GIGYF2: variants seen among roughly 807,000 people sequenced by gnomAD.
GIGYF2 encodes GRB10-interacting GYF protein 2.
In GIGYF2, 25 loss-of-function variants were observed where a neutral mutation model predicts 208.1. The ratio of observed to expected loss-of-function variants is 0.12; its 90% CI spans 0.09 to 0.17. The LOEUF (loss-of-function observed/expected upper bound fraction) is 0.17. Among genes scored for constraint, GIGYF2 ranks in the 10% least tolerant of loss-of-function variants. The pLI, the probability that GIGYF2 is intolerant of heterozygous loss-of-function variation, is 1.00. For missense variants in GIGYF2, 1,302 were observed against 1,579.4 expected, an observed-to-expected ratio of 0.82 and a Z score of 2.98; for synonymous variants, 534 against 543.8, an observed-to-expected ratio of 0.98 and a Z score of 0.25.
At chr2:232,794,645 T>C (rs1411627300) in intron 12 of GIGYF2, 103 bp from the exon 13 acceptor site, 3 of 878,906 alleles carry the variant, frequency 3.4e-6, no homozygotes, top group Admixed American at 1.7e-5. Flanking sequence ...GGCTCACGTT[T>C]TCTGTTTGGC....
intron 2 of GIGYF2, among the ~76,000 whole-genome samples, chr2:232,728,733 C>T (rs1697318330): frequency 6.6e-6 from 1 of 152,180 alleles, no homozygotes; most frequent in Admixed American, 6.5e-5. Flanking sequence ...CTACTCTCTG[C>T]ATGCCCTCTT....
chr2:232,761,659 T>A lies in GIGYF2; in HGVS notation c.532+223T>A, dbSNP rs371949960. The A allele has an allele frequency of 1.1e-5, 4 of 371,436 alleles. No individual in the cohort carries two copies. The East Asian group carries it at 1.9e-4, about 17-fold the overall frequency. The allele number at this position is 371,436 out of a possible 1,614,324, so 23.0% of individuals were successfully genotyped here. A position where few individuals can be genotyped will look rare whatever the true frequency, so the allele number is the denominator to read the frequency against. The stretch of plus-strand genomic sequence containing the variant: ...GGCATATATTCTTTATTAAGGCCAA[T>A]TTGTGAACTGAAGACTCAAGTTAGG... On this transcript the variant is annotated intron_variant, in intron 8 of 28. Transcript: ENST00000373563.
At chr2:232,750,410 CT>C (rs1412459261) in intron 5 of GIGYF2, among the ~76,000 whole-genome samples, 5 of 152,208 alleles carry the variant, frequency 3.3e-5, no homozygotes, top group Non-Finnish European at 7.3e-5. Flanking sequence ...CAGCTGCTCC[CT>C]TTCCCAGAGG....
At position 232,790,905 on chromosome 2, in the gene GIGYF2, T is replaced by G. The variant is rs115367247; in HGVS notation, c.920T>G (p.Leu307Arg). Reference protein sequence around the residue: ...MGTFDSSGAFLSLKKVQKEPI... With the variant: ...MGTFDSSGAFRSLKKVQKEPI... ...ACATTTGACTCATCTGGAGCATTCC[T>G]TTCTCTAAAAGTAAGAAACGTGTTT... Residue 307 changes from leucine (L) to arginine (R), a missense_variant, in exon 10 of 29, where the codon CTT (leucine) becomes CGT (arginine). Around this residue, in one of 8 missense-constraint regions of GIGYF2, gnomAD observed 235 missense variants for 218.8 expected, o/e 1.07. Coordinates refer to ENST00000373563, the MANE Select transcript of GIGYF2 (RefSeq NM_001103146.3). 1.4e-5 allele frequency: 22 copies of G among 1,613,930 alleles called. No homozygotes were observed. In the East Asian group the frequency reaches 4.7e-4, roughly 34 times the overall value.
chr2:232,858,936 C>G lies in GIGYF2; in HGVS notation c.*2076C>G, dbSNP rs999571924. The stretch of plus-strand genomic sequence containing the variant: ...ACACCCCTCCAGAGCTTGCCCACAC[C>G]TTCCCAACTAGACTCTGTGTGTGTA... On this transcript the variant is annotated 3_prime_UTR_variant, in exon 29 of 29. Transcript: ENST00000373563. 1 of 166,828 alleles carries G rather than the reference C, an allele frequency of 6.0e-6. No individual in the cohort carries two copies. The highest frequency in any genetic ancestry group is 1.3e-5 in the Non-Finnish European group (1 of 77,458). 10.3% of individuals were successfully genotyped at this position (166,828 alleles called of 1,614,324 possible). A position where few individuals can be genotyped will look rare whatever the true frequency, so the allele number is the denominator to read the frequency against.
At chr2:232,772,651 G>A (rs1316692252) in intron 8 of GIGYF2, among the ~76,000 whole-genome samples, 2 of 152,260 alleles carry the variant, frequency 1.3e-5, no homozygotes, top group African/African-American at 4.8e-5. Flanking sequence ...CAGTTACTAG[G>A]AACAGAACAG....
chr2:232,791,510 A>T (rs1700070021), intron 12 of GIGYF2, 64 bp downstream of exon 12: 1 of 1,406,558 alleles, frequency 7.1e-7, no homozygotes, highest in African/African-American at 1.4e-5. Flanking sequence ...ATCACTGATA[A>T]GTTAGGCTTC....
At chr2:232,765,920 C>T (rs186922943) in intron 8 of GIGYF2, 16 of 451,030 alleles carry the variant, frequency 3.5e-5, no homozygotes, top group East Asian at 2.2e-4. Context: ...AAGTTAGTTC[C>T]GAAGTAGTCT....
intron 1 of GIGYF2, among the ~76,000 whole-genome samples, chr2:232,699,466 C>T (rs1695748057): frequency 1.3e-5 from 2 of 152,122 alleles, no homozygotes; most frequent in Admixed American, 6.6e-5. Flanking sequence ...GAAATTTGGG[C>T]CAGCAGCCAG....
intron 2 of GIGYF2, chr2:232,722,482 C>T (rs1696991526): frequency 6.6e-6 from 1 of 152,184 alleles, no homozygotes; most frequent in African/African-American, 2.4e-5. Flanking sequence ...ACAGGGATTA[C>T]AATTCAAGAT....
chr2:232,784,579 A>G (rs1190950838), intron 8 of GIGYF2, among the ~76,000 whole-genome samples: 4 of 141,714 alleles, frequency 2.8e-5, no homozygotes, highest in African/African-American at 1.0e-4. Flanking sequence ...TTTAGTAGAG[A>G]TGGGGTTTCA....
intron 14 of GIGYF2, among the ~76,000 whole-genome samples, chr2:232,798,366 A>G (rs1700289354): frequency 6.6e-6 from 1 of 152,236 alleles, no homozygotes; most frequent in Non-Finnish European, 1.5e-5. Flanking sequence ...AAGCTGCTAT[A>G]AACATTTATG....
intron 1 of GIGYF2, among the ~76,000 whole-genome samples, chr2:232,699,261 A>G (rs899828480): frequency 1.6e-4 from 25 of 152,214 alleles, no homozygotes; most frequent in African/African-American, 5.8e-4. Context: ...ACCCGGAGAC[A>G]AAAGCTTAGG....
chr2:232,760,551 G>A lies in GIGYF2; in HGVS notation c.451G>A (p.Gly151Ser). The change falls in exon 7 of 29, where the codon GGT becomes AGT. Residue 151 changes from glycine to serine, a missense_variant. Physicochemically the swap from Gly to Ser is moderately conservative, Grantham distance 56 (BLOSUM62 0). This residue lies in a region of GIGYF2 where 189 missense variants were observed against 257.7 expected (regional missense o/e 0.73). Transcript: ENST00000373563. ...DEVEGVFGRG[G>S]GREMHRSQSW... ...AGTAGAGGGTGTTTTTGGTCGAGGA[G>A]GTGGCAGAGAAATGCATAGATCGCA... is the stretch of plus-strand genomic sequence containing the variant. 1.2e-6 allele frequency: 2 copies of A among 1,613,390 alleles called. No individual in the cohort carries two copies. Among genetic ancestry groups the A allele is most frequent in the South Asian group, 1.1e-5 (1 of 91,042 alleles).
Position 232,844,536 on chromosome 2 carries a change from G to A in GIGYF2, c.3267G>A (p.Arg1089=). ...ATGCAGTGAAAGAGGTGGGACCTAG[G>A]AATTCAACAAATAAAAATAAAAACA... The part of the protein sequence containing the change: ...WDDAVKEVGP[R]NSTNKNKNNA... The change falls in exon 25 of 29, where the codon AGG becomes AGA. Residue 1089 remains arginine, a synonymous_variant. Transcript: ENST00000373563. 6.2e-7 allele frequency: 1 copy of A among 1,612,212 alleles called. No individual in the cohort carries two copies. The highest frequency in any genetic ancestry group is 8.5e-7 in the Non-Finnish European group (1 of 1,179,086).
chr2:232,794,686 T>C (rs2106367738), intron 12 of GIGYF2, 62 bp from the exon 13 acceptor site: 1 of 1,271,750 alleles, frequency 7.9e-7, no homozygotes, highest in East Asian at 2.3e-5. Context: ...CTTGATAATG[T>C]AGTTAGCCTT....
intron 1 of GIGYF2, among the ~76,000 whole-genome samples, chr2:232,699,055 G>A (rs1170862380): frequency 6.6e-6 from 1 of 152,172 alleles, no homozygotes; most frequent in African/African-American, 2.4e-5. Flanking sequence ...TGATGTAGTG[G>A]TAAGCGATGT....
chr2:232,790,648 A>G (rs370407092), intron 9 of GIGYF2, 50 bp from the exon 10 acceptor site: 2 of 1,417,032 alleles, frequency 1.4e-6, no homozygotes, highest in Non-Finnish European at 2.0e-6. Context: ...TTCTTATTCA[A>G]ATACTGTCAT....
intron 2 of GIGYF2, among the ~76,000 whole-genome samples, chr2:232,727,510 C>T (rs1223908315): frequency 6.6e-6 from 1 of 152,042 alleles, no homozygotes; most frequent in Non-Finnish European, 1.5e-5. Flanking sequence ...ATGGGAATAG[C>T]GGGGAGGCAA....
Sources: allele counts gnomAD v4.1 joint callset (sites outside exome capture counted in the v4.1 genomes callset), GRCh38; gene constraint gnomAD v4.1.1; regional missense constraint gnomAD v4.1.1; transcripts MANE v1.5; gene names NCBI Gene and HGNC (gene_info 2026-07-23, HGNC 2026-07-21).